The following C1QTNF3 variants were observed in gnomAD, a reference collection of about 807,000 sequenced individuals.
C1QTNF3 encodes the protein complement C1q tumor necrosis factor-related protein 3.
A neutral mutation model predicts 32.6 loss-of-function variants in C1QTNF3; 26 were observed. That is an observed-to-expected ratio of 0.80 (90% CI 0.58 to 1.11). The LOEUF is 1.11. Ranked by LOEUF, C1QTNF3 falls within the 50% of genes least tolerant of loss-of-function variation. The pLI, the probability that C1QTNF3 is intolerant of heterozygous loss-of-function variation, is 0.00. For missense variants in C1QTNF3, 362 were observed against 398.2 expected, an observed-to-expected ratio of 0.91 and a Z score of 0.77; for synonymous variants, 155 against 146.0, an observed-to-expected ratio of 1.06 and a Z score of -0.44.
chr5:34,081,326 A>G, the C1QTNF3 span, among the ~76,000 whole-genome samples: 1 of 151,808 alleles, frequency 6.6e-6, no homozygotes, highest in South Asian at 2.1e-4. Context: ...TGCATTTGCA[A>G]AGAAATAAAC....
chr5:34,065,821 A>C, the C1QTNF3 span, among the ~76,000 whole-genome samples: 1 of 152,206 alleles, frequency 6.6e-6, no homozygotes, highest in Non-Finnish European at 1.5e-5. Flanking sequence ...CACTTGACCT[A>C]GGAATCCCAT....
chr5:34,176,130 T>C, the C1QTNF3 span, among the ~76,000 whole-genome samples: 1 of 152,064 alleles, frequency 6.6e-6, no homozygotes, highest in Non-Finnish European at 1.5e-5. Context: ...GAAATCATCA[T>C]TCTCAGTAAA....
intron 2 of C1QTNF3, 33 bp from the exon 3 acceptor site, chr5:34,033,491 C>A (rs1454952739): frequency 1.9e-6 from 3 of 1,613,732 alleles, no homozygotes; most frequent in African/African-American, 1.3e-5. Flanking sequence ...CATGAGAAAA[C>A]CCAGTCACTC....
chr5:34,056,479 T>TATATATATAGAGAG, the C1QTNF3 span, among the ~76,000 whole-genome samples: 1 of 51,776 alleles, frequency 1.9e-5, no homozygotes, highest in Non-Finnish European at 3.4e-5. Flanking sequence ...TATATATATA[T>TATATATATAGAGAG]AGAGAGAGAG....
chr5:34,153,815 C>G, the C1QTNF3 span, among the ~76,000 whole-genome samples: 139 of 110,364 alleles, frequency 1.3e-3, no homozygotes, highest in Middle Eastern at 0.01. Context: ...ATGTAACTAA[C>G]CTGCACAATG....
At chr5:34,244,019 G>A in the C1QTNF3 span, among the ~76,000 whole-genome samples, 1 of 152,150 alleles carries the variant, frequency 6.6e-6, no homozygotes, top group Admixed American at 6.5e-5. Context: ...ATTTTTTAAG[G>A]GGGAAGGCAT....
the C1QTNF3 span, among the ~76,000 whole-genome samples, chr5:34,121,333 A>G: frequency 6.6e-6 from 1 of 152,196 alleles, no homozygotes; most frequent in Non-Finnish European, 1.5e-5. Flanking sequence ...TGCTGCTTAT[A>G]AAGACATACC....
At chr5:34,115,037 C>CT in the C1QTNF3 span, among the ~76,000 whole-genome samples, 3 of 151,042 alleles carry the variant, frequency 2.0e-5, no homozygotes, top group Non-Finnish European at 1.5e-5. Context: ...CTTTGTTCAA[C>CT]TTTTTTTTTA....
the C1QTNF3 span, among the ~76,000 whole-genome samples, chr5:34,214,458 A>C: frequency 3.8e-4 from 58 of 151,434 alleles, no homozygotes; most frequent in African/African-American, 1.3e-3. Context: ...GTTTAGGATT[A>C]GAAATACATA....
the C1QTNF3 span, among the ~76,000 whole-genome samples, chr5:34,073,953 A>C: frequency 7.2e-5 from 11 of 152,244 alleles, no homozygotes; most frequent in South Asian, 2.1e-4. Flanking sequence ...TACCTTATTT[A>C]TCTCATTCAA....
chr5:34,214,902 A>G, the C1QTNF3 span, among the ~76,000 whole-genome samples: 2 of 152,352 alleles, frequency 1.3e-5, no homozygotes, highest in East Asian at 3.9e-4. Context: ...CATAAAAATT[A>G]TGTAATTTAC....
At chr5:34,196,429 C>T in the C1QTNF3 span, among the ~76,000 whole-genome samples, 3 of 152,348 alleles carry the variant, frequency 2.0e-5, no homozygotes, top group East Asian at 1.9e-4. Flanking sequence ...TAAGCCACCA[C>T]GCCTGGTCAA....
chr5:34,095,232 A>G, the C1QTNF3 span, among the ~76,000 whole-genome samples: 1 of 151,938 alleles, frequency 6.6e-6, no homozygotes, highest in Non-Finnish European at 1.5e-5. Context: ...ACTTCTCTTC[A>G]TCTCCTCTTC....
At chr5:34,171,798 G>A in the C1QTNF3 span, among the ~76,000 whole-genome samples, 1 of 152,144 alleles carries the variant, frequency 6.6e-6, no homozygotes, top group Non-Finnish European at 1.5e-5. Context: ...GTATTTGTGA[G>A]CAGCCTAATA....
the C1QTNF3 span, among the ~76,000 whole-genome samples, chr5:34,097,248 C>T: frequency 0.51 from 77,386 of 151,404 alleles, 21,837 homozygotes; most frequent in Non-Finnish European, 0.63. Context: ...TTCATATTCA[C>T]TTGATGTTTT....
At chr5:34,115,521 G>A in the C1QTNF3 span, among the ~76,000 whole-genome samples, 1 of 152,206 alleles carries the variant, frequency 6.6e-6, no homozygotes, top group South Asian at 2.1e-4. Context: ...ACAAGGTCAG[G>A]AGATCGAGAC....
the C1QTNF3 span, among the ~76,000 whole-genome samples, chr5:34,092,541 T>C: frequency 2.1e-5 from 3 of 145,960 alleles, 1 homozygote; most frequent in Admixed American, 1.3e-4. Flanking sequence ...TGAAACCATA[T>C]AATTTAAAAA....
chr5:34,212,509 A>G, the C1QTNF3 span, among the ~76,000 whole-genome samples: 3 of 152,016 alleles, frequency 2.0e-5, no homozygotes, highest in African/African-American at 7.2e-5. Flanking sequence ...TACTCATCTG[A>G]CAAAGGGCTA....
At chr5:34,179,526 G>GAAA in the C1QTNF3 span, among the ~76,000 whole-genome samples, 36 of 149,938 alleles carry the variant, frequency 2.4e-4, no homozygotes, top group African/African-American at 8.4e-4. Flanking sequence ...GAAAAGAAAA[G>GAAA]AAAAAAAAAA....
Sources: gnomAD v4.1 joint callset for allele counts (sites outside exome capture counted in the v4.1 genomes callset) on GRCh38, gnomAD v4.1.1 for gene constraint, MANE v1.5 for transcripts, NCBI Gene and HGNC (gene_info 2026-07-23, HGNC 2026-07-21) for gene names.